The following ABLIM2 variants were observed in gnomAD, a reference collection of about 807,000 sequenced individuals.
ABLIM2 encodes actin-binding LIM protein 2.
In ABLIM2, 53 loss-of-function variants were observed where a neutral mutation model predicts 97.7. That is an observed-to-expected ratio of 0.54 (90% CI 0.44 to 0.68). ABLIM2 has a LOEUF of 0.68. Among genes scored for constraint, ABLIM2 ranks in the 30% least tolerant of loss-of-function variants. The probability of loss-of-function intolerance (pLI) is 0.00; values close to 1 mark genes in which losing one functional copy is unlikely to be tolerated. For missense variants in ABLIM2, 835 were observed against 867.2 expected (o/e 0.96, Z 0.47); for synonymous variants, 361 against 345.8 (o/e 1.04, Z -0.49).
chr4:8,071,645 G>A lies in ABLIM2; in HGVS notation c.675+5983C>T, dbSNP rs1812179246. The A allele has an allele frequency of 2.1e-6, 2 of 938,536 alleles. No homozygotes were observed. Among genetic ancestry groups the A allele is most frequent in the African/African-American group, 3.6e-5 (2 of 56,160 alleles). The allele number at this position is 938,536 out of a possible 1,614,324, so 58.1% of individuals were successfully genotyped here. A position where few individuals can be genotyped will look rare whatever the true frequency, so the allele number is the denominator to read the frequency against. Reference sequence around the variant, plus strand: ...CCTTAGGGGGCAAAACGGGGGTGGGGGAACAGGTGGCTCCGAGGTCTCACA... The same window carrying A: ...CCTTAGGGGGCAAAACGGGGGTGGGAGAACAGGTGGCTCCGAGGTCTCACA... On this transcript the variant is annotated intron_variant, in intron 6 of 20. Transcript: ENST00000447017. This position sits in a 1 kb window ranked among gnomAD's most constrained non-coding sequence, Gnocchi z 6.2.
At position 8,000,973 on chromosome 4, in the gene ABLIM2, C is replaced by A. The variant is rs143741561; in HGVS notation, c.1618+7086G>T. On this transcript the variant is annotated intron_variant, in intron 16 of 20. Transcript: ENST00000447017. ...GGGCAGAGGACTGTGGCTCACACAG[C>A]GTCCGGGTCTGCTTTGTGGGCACCT... 5.6e-3 allele frequency among the ~76,000 whole-genome samples: 853 copies of A among 152,264 alleles called. 8 individuals carry two copies. Among genetic ancestry groups the A allele is most frequent in the African/African-American group, 0.02 (814 of 41,542 alleles).
rs555191602 is a variant in ABLIM2 at position 8,046,005 on chromosome 4, G to A, written c.823-764C>T. Among the ~76,000 whole-genome samples the A allele has an allele frequency of 8.7e-4, 132 of 152,244 alleles. No individual in the cohort carries two copies. The highest frequency in any genetic ancestry group is 2.8e-3 in the African/African-American group (115 of 41,548). Reference sequence around the variant, plus strand: ...CCCCAAGCCTTTCTCAGCTCAAAGAGCACCTGCTCCCACCTGACACACAAC... The same window carrying A: ...CCCCAAGCCTTTCTCAGCTCAAAGAACACCTGCTCCCACCTGACACACAAC... On this transcript the variant is annotated intron_variant, in intron 8 of 20. Transcript: ENST00000447017. This position sits in a 1 kb window ranked among gnomAD's most constrained non-coding sequence, Gnocchi z 4.4.
At position 8,025,269 on chromosome 4, in the gene ABLIM2, C is replaced by G. The variant is rs539842314; in HGVS notation, c.1267+2490G>C. ...CGAAGGGCACTGGCAGGCAATGTGGCCGGGGGAACCAGGGCAGAGATGGGC... is the reference window on the plus strand; with the variant it reads ...CGAAGGGCACTGGCAGGCAATGTGGGCGGGGGAACCAGGGCAGAGATGGGC... On this transcript the variant is annotated intron_variant, in intron 12 of 20. Transcript: ENST00000447017. Among the ~76,000 whole-genome samples the G allele has an allele frequency of 1.8e-3, 274 of 152,286 alleles. 1 individual carries two copies. The highest frequency in any genetic ancestry group is 5.8e-3 in the African/African-American group (242 of 41,562).
chr4:8,080,653 A>T lies in ABLIM2; in HGVS notation c.581+23T>A, dbSNP rs561596226. 1.9e-6 allele frequency: 3 copies of T among 1,583,478 alleles called. No homozygotes were observed. The South Asian group carries it at 3.5e-5, about 18-fold the overall frequency. ...TAGGGAAGCCTGAGCGGAGGCTCTC[A>T]CTAGAGCCCTCCCCCCACTTACTTG... On this transcript the variant is annotated intron_variant, in intron 5 of 20. Coordinates refer to ENST00000447017, the MANE Select transcript of ABLIM2 (RefSeq NM_001130083.2).
chr4:7,978,885 G>A lies in ABLIM2; in HGVS notation c.1824+4379C>T, dbSNP rs558291960. On this transcript the variant is annotated intron_variant, in intron 20 of 20. Transcript: ENST00000447017. ...CCACTGGGGGATGGTCCCATGTGAT[G>A]GTAGGCAGAGGCTACCCAAGAGAGG... Among the ~76,000 whole-genome samples, 3 of 152,216 alleles carry A rather than the reference G, an allele frequency of 2.0e-5. No individual in the cohort carries two copies. The South Asian group carries it at 6.2e-4, about 31-fold the overall frequency.
intron 1 of ABLIM2, among the ~76,000 whole-genome samples, chr4:8,107,396 C>T (rs1037497517): frequency 4.6e-5 from 7 of 152,254 alleles, no homozygotes; most frequent in Non-Finnish European, 8.8e-5. Flanking sequence ...CTTTGAGGGG[C>T]TCCCAGTGGG....
rs780987318 is a variant in ABLIM2 at position 8,018,401 on chromosome 4, G to A, written c.1423+1217C>T. On this transcript the variant is annotated intron_variant, in intron 14 of 20. Coordinates refer to ENST00000447017, the MANE Select transcript of ABLIM2 (RefSeq NM_001130083.2). ...CTCAGTTTCCCCACTTGTAACCCAAGGGAACTGGTCTGGACAATTTCTAAG... is the reference window on the plus strand; with the variant it reads ...CTCAGTTTCCCCACTTGTAACCCAAAGGAACTGGTCTGGACAATTTCTAAG... 3.3e-5 allele frequency among the ~76,000 whole-genome samples: 5 copies of A among 152,178 alleles called. No homozygotes were observed. The South Asian group carries it at 8.3e-4, about 25-fold the overall frequency.
intron 20 of ABLIM2, among the ~76,000 whole-genome samples, chr4:7,969,958 G>A (rs188726503): frequency 8.7e-4 from 133 of 152,234 alleles, no homozygotes; most frequent in East Asian, 3.9e-3. Flanking sequence ...TTCAGACCGC[G>A]TCTCTTAAGA....
intron 1 of ABLIM2, among the ~76,000 whole-genome samples, chr4:8,133,590 C>T (rs991666507): frequency 7.2e-5 from 11 of 152,170 alleles, no homozygotes; most frequent in South Asian, 4.1e-4. Flanking sequence ...CCCCTGGTTT[C>T]GGATCTGAAG....
In ABLIM2 at chr4:8,136,146, G is replaced by C. The variant is rs190136326; in HGVS notation, c.10+22534C>G. Among the ~76,000 whole-genome samples the C allele has an allele frequency of 9.2e-5, 14 of 152,340 alleles. No homozygotes were observed. The East Asian group carries it at 2.7e-3, about 29-fold the overall frequency. On this transcript the variant is annotated intron_variant, in intron 1 of 20. Coordinates refer to ENST00000447017, the MANE Select transcript of ABLIM2 (RefSeq NM_001130083.2). ...CCTAAGAAGAAATAAAATCCCGACA[G>C]AGGCTACAGCATGGATGGCTCTTGA...
At chr4:8,063,620 G>C (rs1034281129) in intron 6 of ABLIM2, among the ~76,000 whole-genome samples, 56 of 152,360 alleles carry the variant, frequency 3.7e-4, no homozygotes, top group African/African-American at 1.0e-3. Context: ...CAGAGCTTAA[G>C]CCCATGCCCA....
At chr4:8,055,048 G>A (rs1258923570) in intron 7 of ABLIM2, among the ~76,000 whole-genome samples, 3 of 144,632 alleles carry the variant, frequency 2.1e-5, no homozygotes, top group Non-Finnish European at 4.6e-5. Flanking sequence ...CTTTGTTTTT[G>A]TTTTTTTTTT....
intron 1 of ABLIM2, among the ~76,000 whole-genome samples, chr4:8,109,067 C>T (rs969397860): frequency 8.5e-5 from 13 of 152,250 alleles, no homozygotes; most frequent in Non-Finnish European, 1.8e-4. Flanking sequence ...CGTAGCATGT[C>T]CCAGCTCATC....
chr4:8,014,853 C>T (rs191806329), intron 14 of ABLIM2, among the ~76,000 whole-genome samples: 60 of 152,210 alleles, frequency 3.9e-4, no homozygotes, highest in Non-Finnish European at 6.5e-4. Flanking sequence ...CCCCAGCCAG[C>T]GCCTTTGCCT....
At position 8,044,461 on chromosome 4, in the gene ABLIM2, G is replaced by A. The variant is rs1790830169; in HGVS notation, c.900+703C>T. On this transcript the variant is annotated intron_variant, in intron 9 of 20. Coordinates refer to ENST00000447017, the MANE Select transcript of ABLIM2 (RefSeq NM_001130083.2). The surrounding 1 kb of genome is among the most constrained non-coding windows in gnomAD (Gnocchi z 4.4). ...AAATATTAAATTTACATATACATAT[G>A]TATATGTATGTATACATATATAAAT... Among the ~76,000 whole-genome samples, 1 of 151,360 alleles carries A rather than the reference G, an allele frequency of 6.6e-6. No homozygotes were observed. Among genetic ancestry groups the A allele is most frequent in the African/African-American group, 2.4e-5 (1 of 41,188 alleles).
chr4:8,091,365 T>C (rs1250533641), intron 3 of ABLIM2, among the ~76,000 whole-genome samples: 3 of 56,694 alleles, frequency 5.3e-5, no homozygotes, highest in Non-Finnish European at 9.6e-5. Flanking sequence ...ATATATATAT[T>C]ATATTACATA....
intron 12 of ABLIM2, among the ~76,000 whole-genome samples, chr4:8,025,915 G>A (rs1038876525): frequency 7.2e-5 from 11 of 152,194 alleles, no homozygotes; most frequent in African/African-American, 1.7e-4. Flanking sequence ...TTTCAGGACC[G>A]CCCCCTGCCA....
In ABLIM2 at chr4:8,095,168, A is replaced by G. The variant is rs1234960347; in HGVS notation, c.338+1931T>C. On this transcript the variant is annotated intron_variant, in intron 3 of 20. Coordinates refer to ENST00000447017, the MANE Select transcript of ABLIM2 (RefSeq NM_001130083.2). This position sits in a 1 kb window ranked among gnomAD's most constrained non-coding sequence, Gnocchi z 4.7. ...ACCCAGGCTGGAGAGCAGTGGTGCA[A>G]TCATAGCTCACTGCAGCCTCAAAAT... Among the ~76,000 whole-genome samples, 1 of 150,516 alleles carries G rather than the reference A, an allele frequency of 6.6e-6. No homozygotes were observed. The highest frequency in any genetic ancestry group is 6.6e-5 in the Admixed American group (1 of 15,072).
At chr4:8,117,623 G>A (rs1843370006) in intron 1 of ABLIM2, among the ~76,000 whole-genome samples, 1 of 150,270 alleles carries the variant, frequency 6.7e-6, no homozygotes, top group Non-Finnish European at 1.5e-5. Context: ...TCTCAGCCTT[G>A]CCTGGGATCC....
Sources: gnomAD v4.1 joint callset for allele counts (sites outside exome capture counted in the v4.1 genomes callset) on GRCh38, gnomAD v4.1.1 for gene constraint, Gnocchi (gnomAD v3.1) non-coding constraint, MANE v1.5 for transcripts, NCBI Gene and HGNC (gene_info 2026-07-23, HGNC 2026-07-21) for gene names.